SPINT1: variants seen among roughly 807,000 people sequenced by gnomAD.
SPINT1 encodes kunitz-type protease inhibitor 1.
SPINT1 carries 38 observed loss-of-function variants against 53.7 expected under a neutral mutation model. That is an observed-to-expected ratio of 0.71 (90% CI 0.55 to 0.93). The LOEUF (loss-of-function observed/expected upper bound fraction) is 0.93. Among genes scored for constraint, SPINT1 ranks in the 40% least tolerant of loss-of-function variants. The probability of loss-of-function intolerance (pLI) is 0.00; values close to 1 mark genes in which losing one functional copy is unlikely to be tolerated. For missense variants in SPINT1, 645 were observed against 692.9 expected, an observed-to-expected ratio of 0.93 and a Z score of 0.78; for synonymous variants, 283 against 280.6, an observed-to-expected ratio of 1.01 and a Z score of -0.08.
In SPINT1 at chr15:40,844,479, C is replaced by T. The variant is rs902013700; in HGVS notation, c.-65-11C>T. The T allele has an allele frequency of 7.0e-7, 1 of 1,437,560 alleles. No homozygotes were observed. The highest frequency in any genetic ancestry group is 1.1e-5 in the South Asian group (1 of 87,200). 89.1% of individuals were successfully genotyped at this position (1,437,560 alleles called of 1,614,324 possible). On this transcript the variant is annotated splice_polypyrimidine_tract_variant and intron_variant, in intron 1 of 10. Transcript: ENST00000562057. This position sits in a 1 kb window ranked among gnomAD's most constrained non-coding sequence, Gnocchi z 5.8. ...GTGTGTCTCCTCCTCTGTCCCCTCC[C>T]TTCTTCTCAGGTCACCAGCACCCTC...
intron 2 of SPINT1, among the ~76,000 whole-genome samples, chr15:40,851,525 A>G (rs964506003): frequency 1.3e-5 from 2 of 151,580 alleles, no homozygotes; most frequent in Non-Finnish European, 2.9e-5. Flanking sequence ...AAATCAAAAA[A>G]TCCTTTCTCC....
chr15:40,853,348 A>T (rs1891520616), intron 3 of SPINT1, 97 bp downstream of exon 3: 1 of 1,602,372 alleles, frequency 6.2e-7, no homozygotes, highest in Non-Finnish European at 8.5e-7. Flanking sequence ...CCCGGATGGG[A>T]TGGGGTGGAG....
chr15:40,850,054 C>T (rs1249532746), intron 2 of SPINT1, among the ~76,000 whole-genome samples: 1 of 152,138 alleles, frequency 6.6e-6, no homozygotes, highest in African/African-American at 2.4e-5. Context: ...AAAGGATTCT[C>T]CTTTTGTTTT....
intron 9 of SPINT1, 34 bp from the exon 10 acceptor site, chr15:40,856,242 G>T: frequency 6.2e-7 from 1 of 1,613,948 alleles, no homozygotes; most frequent in Non-Finnish European, 8.5e-7. Context: ...TGAGCCCTCA[G>T]TACTGACTGG....
Position 40,844,066 on chromosome 15 carries a change from G to C in SPINT1, c.-186G>C, listed in dbSNP as rs1191487762. On this transcript the variant is annotated 5_prime_UTR_variant, in exon 1 of 11. Transcript: ENST00000562057. The surrounding 1 kb of genome is among the most constrained non-coding windows in gnomAD (Gnocchi z 5.8). ...CTGACTCAGTTTCACCAGAAACCAG[G>C]GGGAGAAGGCGGCCGAGCCCCAGCT... The C allele has an allele frequency of 4.7e-6, 2 of 428,832 alleles. No individual in the cohort carries two copies. Among genetic ancestry groups the C allele is most frequent in the Admixed American group, 5.0e-5 (2 of 40,370 alleles). The allele number at this position is 428,832 out of a possible 1,614,324, so 26.6% of individuals were successfully genotyped here.
intron 2 of SPINT1, 23 bp downstream of exon 2, chr15:40,845,052 TG>T (rs141793805): frequency 0.027 from 43,176 of 1,580,946 alleles, 1,145 homozygotes; most frequent in East Asian, 0.099. Flanking sequence ...CCAAGATGGA[TG>T]GGTTTGGAGA....
rs1256281913 is a variant in SPINT1, at chr15:40,844,800, C to T, written c.246C>T (p.Arg82=). 6.2e-7 allele frequency: 1 copy of T among 1,613,304 alleles called. No individual in the cohort carries two copies. Among genetic ancestry groups the T allele is most frequent in the Non-Finnish European group, 8.5e-7 (1 of 1,179,716 alleles). The stretch of plus-strand genomic sequence containing the variant: ...CCTTCCTGGAGTCCCCCACCGTGCG[C>T]CGGGGCTGGGACTGCGTGCGCGCCT... The part of the protein sequence containing the change: ...GATFLESPTV[R]RGWDCVRACC... The change falls in exon 2 of 11, where the codon CGC becomes CGT. Residue 82 remains arginine, a synonymous_variant. Coordinates refer to ENST00000562057, the MANE Select transcript of SPINT1 (RefSeq NM_003710.4). This position sits in a 1 kb window ranked among gnomAD's most constrained non-coding sequence, Gnocchi z 5.8.
At chr15:40,854,549 G>A (rs368299730) in intron 7 of SPINT1, 27 bp downstream of exon 7, 51 of 1,613,544 alleles carry the variant, frequency 3.2e-5, no homozygotes, top group Admixed American at 2.2e-4. Flanking sequence ...AGAGGGGGTT[G>A]GGCAGCAGAC....
At chr15:40,845,318 A>ATTTTTTTTT (rs34480117) in intron 2 of SPINT1, among the ~76,000 whole-genome samples, 3 of 58,182 alleles carry the variant, frequency 5.2e-5, no homozygotes, top group South Asian at 7.8e-4. Flanking sequence ...GACCCGGCTA[A>ATTTTTTTTT]TTTTTTTTTT....
intron 2 of SPINT1, among the ~76,000 whole-genome samples, chr15:40,848,743 A>G (rs1413370837): frequency 1.3e-5 from 2 of 152,178 alleles, no homozygotes; most frequent in African/African-American, 4.8e-5. Flanking sequence ...ATGATTTCCA[A>G]TATATATAAA....
At chr15:40,849,069 AC>A (rs1891380250) in intron 2 of SPINT1, among the ~76,000 whole-genome samples, 1 of 151,238 alleles carries the variant, frequency 6.6e-6, no homozygotes, top group Non-Finnish European at 1.5e-5. Context: ...ACACGGTGAA[AC>A]CCCGTCTCTA....
chr15:40,856,981 G>T lies in SPINT1; in HGVS notation c.*6G>T. 1 of 1,613,592 alleles carries T rather than the reference G, an allele frequency of 6.2e-7. No individual in the cohort carries two copies. Among genetic ancestry groups the T allele is most frequent in the Non-Finnish European group, 8.5e-7 (1 of 1,179,684 alleles). On this transcript the variant is annotated 3_prime_UTR_variant, in exon 11 of 11. Coordinates refer to ENST00000562057, the MANE Select transcript of SPINT1 (RefSeq NM_003710.4). ...ACACCACGCGGCCCCTCTGAGCCTG[G>T]GTCTCACCGGCTCTCACCTGGCCCT...
intron 2 of SPINT1, among the ~76,000 whole-genome samples, chr15:40,845,317 A>ATTTTT (rs1566852110): frequency 1.3e-5 from 1 of 79,648 alleles, no homozygotes; most frequent in African/African-American, 5.2e-5. Flanking sequence ...AGACCCGGCT[A>ATTTTT]ATTTTTTTTT....
At chr15:40,851,885 G>A (rs564712434) in intron 2 of SPINT1, among the ~76,000 whole-genome samples, 1 of 152,294 alleles carries the variant, frequency 6.6e-6, no homozygotes, top group Non-Finnish European at 1.5e-5. Context: ...GCCGGGCATG[G>A]TTGTGCACAC....
intron 2 of SPINT1, among the ~76,000 whole-genome samples, chr15:40,848,706 A>T (rs1237258581): frequency 6.6e-6 from 1 of 152,228 alleles, no homozygotes; most frequent in African/African-American, 2.4e-5. Context: ...CAACAACAAA[A>T]GGAAACTCTT....
rs1313984486 is a variant in SPINT1, at chr15:40,858,183, A to AG, written c.*1208_*1209insG. ...CAAGCTACCTCCCGGTGCCAAAAAA[A>AG]AAAAAAAATCATACTTTGAGCTCAT... is the stretch of plus-strand genomic sequence containing the variant. On this transcript the variant is annotated 3_prime_UTR_variant, in exon 11 of 11. Coordinates refer to ENST00000562057, the MANE Select transcript of SPINT1 (RefSeq NM_003710.4). 2 of 151,882 alleles carry AG rather than the reference A, an allele frequency of 1.3e-5. No individual in the cohort carries two copies. Among genetic ancestry groups the AG allele is most frequent in the Non-Finnish European group, 2.9e-5 (2 of 67,966 alleles). 9.4% of individuals were successfully genotyped at this position (151,882 alleles called of 1,614,324 possible).
chr15:40,855,776 G>A (rs1251063286), intron 8 of SPINT1, 116 bp from the exon 9 acceptor site: 5 of 1,166,952 alleles, frequency 4.3e-6, no homozygotes, highest in South Asian at 3.2e-5. Context: ...GGCCTCTCAG[G>A]CCCTCCCTGA....
chr15:40,846,967 T>C (rs690660), intron 2 of SPINT1, among the ~76,000 whole-genome samples: 117,414 of 152,110 alleles, frequency 0.77, 45,583 homozygotes, highest in East Asian at 0.99. Flanking sequence ...CCTGAGTTGC[T>C]CATGCCCTTC....
At chr15:40,849,990 G>A (rs661745) in intron 2 of SPINT1, among the ~76,000 whole-genome samples, 95,995 of 152,228 alleles carry the variant, frequency 0.63, 34,766 homozygotes, top group Non-Finnish European at 0.78. Context: ...GCAAGGCTGT[G>A]TTCCAATCGA....
Sources: gnomAD v4.1 joint callset for allele counts (sites outside exome capture counted in the v4.1 genomes callset) on GRCh38, gnomAD v4.1.1 for gene constraint, Gnocchi (gnomAD v3.1) non-coding constraint, MANE v1.5 for transcripts, NCBI Gene and HGNC (gene_info 2026-07-23, HGNC 2026-07-21) for gene names.